The following PRG4 variants were observed in gnomAD, a reference collection of about 807,000 sequenced individuals.
The protein encoded by PRG4 is articular superficial zone protein.
In PRG4, 61 loss-of-function variants were observed where a neutral mutation model predicts 91.2. That is an observed-to-expected ratio of 0.67 (90% confidence interval 0.54 to 0.83). PRG4 has a LOEUF of 0.83. PRG4 is among the 40% of genes least tolerant of loss of function. PRG4 has a pLI of 0.00. For synonymous variants in PRG4, 576 were observed against 614.2 expected (o/e 0.94, Z 0.92); for missense variants, 1,564 against 1,714.2 (o/e 0.91, Z 1.55).
At chr1:186,296,993 C>T in intron 2 of PRG4, 42 bp downstream of exon 2, 2 of 1,499,540 alleles carry the variant, frequency 1.3e-6, no homozygotes, top group Non-Finnish European at 1.9e-6. Context: ...ACAACTATTG[C>T]TAATCATTCA....
chr1:186,296,778 T>TA, intron 1 of PRG4, 68 bp from the exon 2 acceptor site: 1 of 807,570 alleles, frequency 1.2e-6, no homozygotes, highest in Non-Finnish European at 2.1e-6. Context: ...CTGAAATGTG[T>TA]ATAATGCAAG....
rs150172116 is a variant in PRG4 at position 186,304,132 on chromosome 1, C to T, written c.344C>T (p.Ser115Phe). The T allele has an allele frequency of 1.2e-6, 2 of 1,614,170 alleles. No homozygotes were observed. Among genetic ancestry groups the T allele is most frequent in the African/African-American group, 1.3e-5 (1 of 75,054 alleles). Residue 115 changes from serine (S) to phenylalanine (F), a missense_variant, in exon 5 of 13, where the codon TCT (serine) becomes TTT (phenylalanine). By Grantham distance (155) the Ser-to-Phe change is radical (BLOSUM62 -2). Coordinates refer to ENST00000445192, the MANE Select transcript of PRG4 (RefSeq NM_005807.6). ...GTGCATAATCCCACATCACCACCAT[C>T]TTCAAAGAAAGCACCTCCACCTTCA... ...AEVHNPTSPPSSKKAPPPSGA... is the reference protein window; with the variant it reads ...AEVHNPTSPPFSKKAPPPSGA...
intron 2 of PRG4, among the ~76,000 whole-genome samples, chr1:186,298,733 C>T (rs897724345): frequency 2.6e-5 from 4 of 151,934 alleles, no homozygotes; most frequent in South Asian, 2.1e-4. Context: ...GTGATCCGCC[C>T]GCCTCAGCCT....
chr1:186,301,721 A>G lies in PRG4; in HGVS notation c.319+10A>G, dbSNP rs768075373. On this transcript the variant is annotated intron_variant, in intron 4 of 12. Coordinates refer to ENST00000445192, the MANE Select transcript of PRG4 (RefSeq NM_005807.6). ...AGTTTCTGTGCAGAAGGTAAGCATC[A>G]CAGTACCAACCAATGCTTCTCAGTA... The G allele has an allele frequency of 6.2e-6, 10 of 1,612,964 alleles. No individual in the cohort carries two copies. The highest frequency in any genetic ancestry group is 8.5e-6 in the Non-Finnish European group (10 of 1,179,080).
intron 4 of PRG4, among the ~76,000 whole-genome samples, chr1:186,302,877 A>G (rs538194832): frequency 8.4e-4 from 128 of 152,306 alleles, no homozygotes; most frequent in African/African-American, 3.0e-3. Flanking sequence ...TTTGATAAAG[A>G]TAATACTTTA....
chr1:186,310,669 A>T (rs58889048), intron 8 of PRG4, among the ~76,000 whole-genome samples: 22,138 of 129,882 alleles, frequency 0.17, 2,238 homozygotes, highest in African/African-American at 0.26. Flanking sequence ...TTTTTTTTGT[A>T]TTTTTTTTTT....
intron 9 of PRG4, 87 bp from the exon 10 acceptor site, chr1:186,311,353 A>ACGTT: frequency 2.0e-6 from 3 of 1,470,572 alleles, no homozygotes; most frequent in Non-Finnish European, 2.8e-6. Context: ...CCAAGTTAAC[A>ACGTT]CGTTCTCTCT....
intron 8 of PRG4, among the ~76,000 whole-genome samples, chr1:186,310,256 G>A (rs1369852897): frequency 2.0e-5 from 3 of 151,842 alleles, no homozygotes. Context: ...ATTGTGATGT[G>A]TTCAAGTGTT....
intron 6 of PRG4, among the ~76,000 whole-genome samples, chr1:186,305,860 C>G (rs1656521276): frequency 6.6e-6 from 1 of 152,046 alleles, no homozygotes. Context: ...TCAGCAGGGA[C>G]TGTGGGGGTG....
At chr1:186,301,142 C>A (rs1311495162) in intron 3 of PRG4, among the ~76,000 whole-genome samples, 1 of 149,904 alleles carries the variant, frequency 6.7e-6, no homozygotes, top group East Asian at 1.9e-4. Context: ...TCAAAAATGA[C>A]CCATTTACGT....
intron 8 of PRG4, 81 bp downstream of exon 8, chr1:186,309,951 G>C (rs994823934): frequency 5.9e-6 from 7 of 1,195,254 alleles, no homozygotes; most frequent in East Asian, 4.7e-5. Flanking sequence ...AAGAGTGCTA[G>C]TTTGGGTTGT....
chr1:186,312,487 G>T lies in PRG4; in HGVS notation c.3991+115G>T, dbSNP rs1157199278. On this transcript the variant is annotated intron_variant, in intron 11 of 12. Transcript: ENST00000445192. ...TGATCAAACAGCCCTAATAATTTAA[G>T]CTTACTGATGAAAAACTCATCCACT... is the stretch of plus-strand genomic sequence containing the variant. The T allele has an allele frequency of 3.7e-6, 4 of 1,082,908 alleles. No homozygotes were observed. The African/African-American group carries it at 6.4e-5, about 17-fold the overall frequency. 67.1% of individuals were successfully genotyped at this position (1,082,908 alleles called of 1,614,324 possible).
At position 186,307,593 on chromosome 1, in the gene PRG4, C is replaced by T. The variant is rs767060959; in HGVS notation, c.1874C>T (p.Thr625Met). 2.3e-5 allele frequency: 37 copies of T among 1,596,444 alleles called. No homozygotes were observed. Among genetic ancestry groups the T allele is most frequent in the Middle Eastern group, 1.9e-4 (1 of 5,350 alleles). The change falls in exon 7 of 13, where the codon ACG becomes ATG. Residue 625 changes from threonine (T) to methionine (M), a missense_variant. Physicochemically the swap from Thr to Met is moderately conservative, Grantham distance 81. Coordinates refer to ENST00000445192, the MANE Select transcript of PRG4 (RefSeq NM_005807.6). ...ETAPTTPKKL[T>M]PTTPEKLAPT... ...GCACCCACCACCCCCAAGAAGCTCA[C>T]GCCCACCACCCCCGAGAAGCTCGCA... is the stretch of plus-strand genomic sequence containing the variant.
chr1:186,308,982 T>C lies in PRG4; in HGVS notation c.3263T>C (p.Val1088Ala), dbSNP rs760243458. 2 of 1,608,616 alleles carry C rather than the reference T, an allele frequency of 1.2e-6. No individual in the cohort carries two copies. Among genetic ancestry groups the C allele is most frequent in the South Asian group, 1.1e-5 (1 of 90,508 alleles). The stretch of plus-strand genomic sequence containing the variant: ...AACCAAACTCCAAACTCCAAACTAG[T>C]TGAAGTAAATCCAAAGAGTGAAGAT... ...RPNQTPNSKL[V>A]EVNPKSEDAG... The change falls in exon 7 of 13, where the codon GTT (valine) becomes GCT (alanine). Residue 1088 changes from valine (V) to alanine (A), a missense_variant. Transcript: ENST00000445192.
At position 186,307,534 on chromosome 1, in the gene PRG4, C is replaced by G. The variant is rs1423163402; in HGVS notation, c.1815C>G (p.Pro605=). 6.4e-7 allele frequency: 1 copy of G among 1,574,152 alleles called. No individual in the cohort carries two copies. The highest frequency in any genetic ancestry group is 8.7e-7 in the Non-Finnish European group (1 of 1,150,928). ...CCAAGAAGCCTGCACCCACCACTCCCAAAGAGCCTGCCCCAACTACCCCCA... is the reference window on the plus strand; with the variant it reads ...CCAAGAAGCCTGCACCCACCACTCCGAAAGAGCCTGCCCCAACTACCCCCA... ...TTTKKPAPTT[P]KEPAPTTPKE... is the part of the protein sequence containing the mutation. The change falls in exon 7 of 13, where the codon CCC becomes CCG. Residue 605 remains proline (P), a synonymous_variant. Coordinates refer to ENST00000445192, the MANE Select transcript of PRG4 (RefSeq NM_005807.6).
Position 186,311,055 on chromosome 1 carries a change from G to GGTCATTATT in PRG4, c.3521_3522insGTCATTATT (p.Ser1174delinsArgSerLeuPhe). The GGTCATTATT allele has an allele frequency of 6.2e-7, 1 of 1,613,982 alleles. No homozygotes were observed. Among genetic ancestry groups the GGTCATTATT allele is most frequent in the South Asian group, 1.1e-5 (1 of 91,076 alleles). On this transcript the variant is annotated protein_altering_variant, in exon 9 of 13. Transcript: ENST00000445192. ...TTAGGTCATTATTTCTGGATGCTAA[G>GGTCATTATT]TCCATTCAGTCCACCATCTCCAGCT...
chr1:186,303,305 C>CA (rs1656336785), intron 4 of PRG4, among the ~76,000 whole-genome samples: 1 of 151,932 alleles, frequency 6.6e-6, no homozygotes, highest in Non-Finnish European at 1.5e-5. Flanking sequence ...GGAGGAGAAA[C>CA]AAGAGGGACA....
In PRG4 at chr1:186,304,843, CTCT is replaced by C. The variant is rs778848368; in HGVS notation, c.528_530del (p.Ser177del). On this transcript the variant is annotated inframe_deletion, in exon 6 of 13. Coordinates refer to ENST00000445192, the MANE Select transcript of PRG4 (RefSeq NM_005807.6). ...AGTCCTCCTCCTCCTCCTCCTCTTC[CTCT>C]TCTTCTTCAACAATTCGGAAAATCA... The C allele has an allele frequency of 1.9e-5, 31 of 1,612,034 alleles. No homozygotes were observed. The highest frequency in any genetic ancestry group is 5.4e-5 in the African/African-American group (4 of 74,766).
chr1:186,309,221 T>G, intron 7 of PRG4, 81 bp downstream of exon 7: 1 of 1,409,200 alleles, frequency 7.1e-7, no homozygotes, highest in Non-Finnish European at 9.8e-7. Context: ...CTTAGTTTAG[T>G]ATCACTCAAC....
Sources: gnomAD v4.1 joint callset for allele counts (sites outside exome capture counted in the v4.1 genomes callset) on GRCh38, gnomAD v4.1.1 for gene constraint, MANE v1.5 for transcripts, NCBI Gene and HGNC (gene_info 2026-07-23, HGNC 2026-07-21) for gene names.